The following ARNT variants were observed in gnomAD, a reference collection of about 807,000 sequenced individuals.
ARNT encodes class E basic helix-loop-helix protein 2.
Under a neutral mutation model 105.0 loss-of-function variants are expected in ARNT, and 30 were observed. The observed-to-expected ratio is 0.29, with a 90% CI of 0.21 to 0.39. The LOEUF is 0.39. Among genes scored for constraint, ARNT ranks in the 10% least tolerant of loss-of-function variants. The pLI is 1.00. For synonymous variants in ARNT, 304 were observed against 344.0 expected (o/e 0.88, Z 1.29); for missense variants, 748 against 978.7 (o/e 0.76, Z 3.15).
chr1:150,817,520 T>A, intron 15 of ARNT, 87 bp from the exon 16 acceptor site: 3 of 1,319,546 alleles, frequency 2.3e-6, no homozygotes, highest in South Asian at 1.2e-5. Context: ...TAAAACAAAT[T>A]AAACAGGCCG....
intron 19 of ARNT, among the ~76,000 whole-genome samples, chr1:150,815,745 T>C (rs1655712200): frequency 6.8e-6 from 1 of 146,768 alleles, no homozygotes; most frequent in African/African-American, 2.5e-5. Flanking sequence ...CCTGTACAAG[T>C]CCCAGCTACT....
intron 19 of ARNT, 148 bp downstream of exon 19, chr1:150,816,111 C>G (rs2101592865): frequency 4.2e-6 from 4 of 963,650 alleles, no homozygotes; most frequent in Non-Finnish European, 4.5e-6. Context: ...TTTTAATTAG[C>G]TACTCTCAAC....
rs376140549 is a variant in ARNT, at chr1:150,813,692, T to C, written c.2114-354A>G. ...GGAGTTTCACTCTTGTTGCCCAGGC[T>C]GGAGTGCAAAGGCGCGATCTCAGCT... On this transcript the variant is annotated intron_variant, in intron 20 of 21. Coordinates refer to ENST00000358595, the MANE Select transcript of ARNT (RefSeq NM_001668.4). Among the ~76,000 whole-genome samples the C allele has an allele frequency of 2.8e-4, 42 of 152,218 alleles. No homozygotes were observed. In the East Asian group the frequency reaches 7.9e-3, roughly 29 times the overall value.
intron 1 of ARNT, among the ~76,000 whole-genome samples, chr1:150,867,386 C>T (rs1187407997): frequency 6.7e-6 from 1 of 149,918 alleles, no homozygotes; most frequent in African/African-American, 2.5e-5. Flanking sequence ...AAAAAAAAAA[C>T]TATTCAAACA....
chr1:150,858,322 T>G (rs766639816), intron 2 of ARNT, 27 bp downstream of exon 2: 4 of 1,545,518 alleles, frequency 2.6e-6, no homozygotes, highest in Non-Finnish European at 8.9e-7. Context: ...AGGAGAGATA[T>G]TCATAACACA....
At chr1:150,834,811 C>A in intron 7 of ARNT, 171 bp from the exon 8 acceptor site, 2 of 512,570 alleles carry the variant, frequency 3.9e-6, no homozygotes, top group Non-Finnish European at 7.1e-6. Flanking sequence ...TAAAATACTT[C>A]AATTATCATC....
At chr1:150,812,577 T>A (rs1654956144) in intron 21 of ARNT, 1 of 153,268 alleles carries the variant, frequency 6.5e-6, no homozygotes, top group Non-Finnish European at 1.5e-5. Flanking sequence ...CTATTTCATT[T>A]ACTTTTTATA....
intron 1 of ARNT, among the ~76,000 whole-genome samples, chr1:150,867,907 G>A (rs1219081135): frequency 6.6e-6 from 1 of 152,068 alleles, no homozygotes; most frequent in African/African-American, 2.4e-5. Flanking sequence ...ATGATTCCAA[G>A]TTTCCTGAGG....
chr1:150,866,338 C>G (rs1316142965), intron 1 of ARNT, among the ~76,000 whole-genome samples: 1 of 152,168 alleles, frequency 6.6e-6, no homozygotes, highest in Non-Finnish European at 1.5e-5. Context: ...AAAGACCAAT[C>G]TGATACCTGA....
chr1:150,827,195 A>C (rs920251420), intron 12 of ARNT, among the ~76,000 whole-genome samples: 2 of 152,238 alleles, frequency 1.3e-5, no homozygotes, highest in Admixed American at 6.5e-5. Context: ...TAAAATTTAC[A>C]TTCATAATTC....
At chr1:150,857,420 T>C (rs1367366321) in intron 2 of ARNT, among the ~76,000 whole-genome samples, 2 of 152,224 alleles carry the variant, frequency 1.3e-5, no homozygotes, top group Non-Finnish European at 2.9e-5. Context: ...GAAAGTTACT[T>C]ATTCAGCTTA....
rs373865234 is a variant in ARNT at position 150,814,311 on chromosome 1, A to AT, written c.1951-73_1951-72insA. ...TCATTGCACATACCATGCCTATGAG[A>AT]GTCAACACTGTCAATCACTGCATCC... On this transcript the variant is annotated intron_variant, in intron 19 of 21. Coordinates refer to ENST00000358595, the MANE Select transcript of ARNT (RefSeq NM_001668.4). 896 of 1,449,954 alleles carry AT rather than the reference A, an allele frequency of 6.2e-4. 3 individuals are homozygous for AT. The African/African-American group carries it at 0.011, about 18-fold the overall frequency. 89.8% of individuals were successfully genotyped at this position (1,449,954 alleles called of 1,614,324 possible). A position where few individuals can be genotyped will look rare whatever the true frequency, so the allele number is the denominator to read the frequency against.
In ARNT at chr1:150,813,243, G is replaced by A. The variant is rs1397346689; in HGVS notation, c.2209C>T (p.Arg737Cys). 1.2e-6 allele frequency: 2 copies of A among 1,613,940 alleles called. No homozygotes were observed. The highest frequency in any genetic ancestry group is 2.2e-5 in the South Asian group (2 of 90,990). Residue 737 changes from arginine (R) to cysteine (C), a missense_variant, in exon 21 of 22, where the codon CGT becomes TGT. Coordinates refer to ENST00000358595, the MANE Select transcript of ARNT (RefSeq NM_001668.4). Reference sequence around the variant, plus strand: ...ACATGTTGCTCACTAGAACTTGAACGATGATGAGGCTGCTGGCCCTGCCAC... The same window carrying A: ...ACATGTTGCTCACTAGAACTTGAACAATGATGAGGCTGCTGGCCCTGCCAC... ...PQWQGQQPHH[R>C]SSSSEQHVQQ...
chr1:150,829,755 G>T, intron 11 of ARNT, 149 bp downstream of exon 11: 1 of 783,936 alleles, frequency 1.3e-6, no homozygotes, highest in Non-Finnish European at 2.0e-6. Flanking sequence ...AATAGCAATG[G>T]TCACTATAAA....
chr1:150,824,079 G>C (rs1173289117), intron 13 of ARNT, among the ~76,000 whole-genome samples: 1 of 151,886 alleles, frequency 6.6e-6, no homozygotes, highest in Non-Finnish European at 1.5e-5. Context: ...CCGACCTCGG[G>C]ATCCGCCTGC....
chr1:150,814,086 A>T lies in ARNT; in HGVS notation c.2104T>A (p.Ser702Thr), dbSNP rs762537834. The T allele has an allele frequency of 1.2e-6, 2 of 1,614,078 alleles. No homozygotes were observed. Among genetic ancestry groups the T allele is most frequent in the Admixed American group, 3.3e-5 (2 of 59,998 alleles). ...TATGGTCTGGACTCACCAAAGTTAGATCCACGATTGGTGAGACTAGGGTAG... is the reference window on the plus strand; with the variant it reads ...TATGGTCTGGACTCACCAAAGTTAGTTCCACGATTGGTGAGACTAGGGTAG... The part of the protein sequence containing the change: ...AAYPSLTNRG[S>T]NFAPETGQTA... The change falls in exon 20 of 22, where the codon TCT becomes ACT. Residue 702 changes from serine (S) to threonine (T), a missense_variant. Physicochemically the swap from Ser to Thr is moderately conservative, Grantham distance 58. Around this residue, in one of 4 missense-constraint regions of ARNT, gnomAD observed 360 missense variants for 411.9 expected, o/e 0.87. Transcript: ENST00000358595.
rs1553199531 is a variant in ARNT at position 150,811,473 on chromosome 1, C to CACACACAT, written c.*547_*548insATGTGTGT. The stretch of plus-strand genomic sequence containing the variant: ...GCATGTGTGCGCACACACACACACA[C>CACACACAT]ACACATACACACACACTCTCTCTCA... On this transcript the variant is annotated 3_prime_UTR_variant, in exon 22 of 22. Transcript: ENST00000358595. 4.8e-4 allele frequency: 112 copies of CACACACAT among 233,046 alleles called. No homozygotes were observed. The highest frequency in any genetic ancestry group is 2.3e-3 in the African/African-American group (102 of 45,038). 14.4% of individuals were successfully genotyped at this position (233,046 alleles called of 1,614,324 possible).
At chr1:150,851,205 C>T (rs1163307084) in intron 3 of ARNT, among the ~76,000 whole-genome samples, 1 of 146,578 alleles carries the variant, frequency 6.8e-6, no homozygotes, top group Non-Finnish European at 1.5e-5. Flanking sequence ...CGGGGGCCAG[C>T]CCCCGCCCGG....
intron 1 of ARNT, among the ~76,000 whole-genome samples, chr1:150,865,869 G>A (rs1666485773): frequency 1.3e-5 from 2 of 152,216 alleles, no homozygotes; most frequent in African/African-American, 4.8e-5. Context: ...TGTAAGAAAT[G>A]CCTTGGATGT....
Sources: allele counts gnomAD v4.1 joint callset (sites outside exome capture counted in the v4.1 genomes callset), GRCh38; gene constraint gnomAD v4.1.1; regional missense constraint gnomAD v4.1.1; transcripts MANE v1.5; gene names NCBI Gene and HGNC (gene_info 2026-07-23, HGNC 2026-07-21).